The following JARID2 variants were observed in gnomAD, a reference collection of about 807,000 sequenced individuals.
The protein encoded by JARID2 is protein Jumonji.
JARID2 carries 21 observed loss-of-function variants against 125.6 expected under a neutral mutation model. The ratio of observed to expected loss-of-function variants is 0.17; its 90% CI spans 0.12 to 0.24. JARID2 has a LOEUF of 0.24. JARID2 is among the 10% of genes least tolerant of loss of function. The pLI is 1.00. For synonymous variants in JARID2, 736 were observed against 661.6 expected (o/e 1.11, Z -1.73); for missense variants, 1,303 against 1,639.6 (o/e 0.79, Z 3.55).
Position 15,473,514 on chromosome 6 carries a change from G to GCC in JARID2, c.670+4811_670+4812dup, listed in dbSNP as rs3841758. ...GTCTCCCTTGTCTTCTGATGTGCGT[G>GCC]CCCCCCCCCCCCCCCCGCTTTGTGT... On this transcript the variant is annotated intron_variant, in intron 5 of 17. Coordinates refer to ENST00000341776, the MANE Select transcript of JARID2 (RefSeq NM_004973.4). 6.3e-4 allele frequency among the ~76,000 whole-genome samples: 22 copies of GCC among 35,060 alleles called. 3 individuals are homozygous for GCC. Among genetic ancestry groups the GCC allele is most frequent in the South Asian group, 2.3e-3 (2 of 854 alleles). 23.0% of individuals were successfully genotyped at this position (35,060 alleles called of 152,430 possible).
intron 3 of JARID2, among the ~76,000 whole-genome samples, chr6:15,416,584 A>C (rs1766227902): frequency 6.6e-6 from 1 of 152,140 alleles, no homozygotes; most frequent in South Asian, 2.1e-4. Flanking sequence ...GGCACTCGGC[A>C]GGCTGAGGCA....
intron 12 of JARID2, among the ~76,000 whole-genome samples, chr6:15,509,620 C>T (rs769952660): frequency 1.6e-4 from 25 of 152,226 alleles, no homozygotes; most frequent in Admixed American, 8.5e-4. Flanking sequence ...GGGGAGGGGA[C>T]AGCCAGGACT....
intron 2 of JARID2, chr6:15,401,153 G>T (rs942477882): frequency 1.2e-4 from 111 of 952,522 alleles, no homozygotes; most frequent in Non-Finnish European, 1.5e-4. Flanking sequence ...ATGGCAAGGT[G>T]CTATATATAT....
chr6:15,481,527 T>C (rs1041540348), intron 5 of JARID2, among the ~76,000 whole-genome samples: 1 of 152,184 alleles, frequency 6.6e-6, no homozygotes, highest in Non-Finnish European at 1.5e-5. Flanking sequence ...AGATAATTAC[T>C]TGGAGGAGTA....
chr6:15,330,988 A>G (rs1581420675), intron 1 of JARID2, among the ~76,000 whole-genome samples: 2 of 152,310 alleles, frequency 1.3e-5, no homozygotes, highest in Non-Finnish European at 1.5e-5. Flanking sequence ...AGGACATCTC[A>G]CTAGACTTCA....
intron 2 of JARID2, among the ~76,000 whole-genome samples, chr6:15,404,546 C>G (rs2127560311): frequency 6.6e-6 from 1 of 151,078 alleles, no homozygotes; most frequent in African/African-American, 2.4e-5. Context: ...CACACACACA[C>G]ACACACACAC....
intron 1 of JARID2, among the ~76,000 whole-genome samples, chr6:15,301,845 A>G (rs1217875043): frequency 6.6e-6 from 1 of 152,212 alleles, no homozygotes; most frequent in Non-Finnish European, 1.5e-5. Flanking sequence ...TATAGTGACT[A>G]AGACTGTAAT....
intron 12 of JARID2, among the ~76,000 whole-genome samples, chr6:15,511,080 T>TG (rs1771255638): frequency 6.6e-6 from 1 of 152,214 alleles, no homozygotes; most frequent in Non-Finnish European, 1.5e-5. Flanking sequence ...GGATGCACTG[T>TG]GGTTTGGCTG....
At chr6:15,416,236 C>G (rs1179132377) in intron 3 of JARID2, among the ~76,000 whole-genome samples, 3 of 151,068 alleles carry the variant, frequency 2.0e-5, no homozygotes, top group Admixed American at 1.3e-4. Context: ...TCCTCATGTC[C>G]CAGACGATGG....
intron 1 of JARID2, among the ~76,000 whole-genome samples, chr6:15,319,543 G>A (rs1036133273): frequency 2.6e-5 from 4 of 152,106 alleles, no homozygotes; most frequent in Non-Finnish European, 4.4e-5. Context: ...GAGCACAAGT[G>A]TGCGCAACTG....
Position 15,487,348 on chromosome 6 carries a change from G to C in JARID2, c.712G>C (p.Val238Leu), listed in dbSNP as rs963966392. 1 of 1,614,156 alleles carries C rather than the reference G, an allele frequency of 6.2e-7. No individual in the cohort carries two copies. Among genetic ancestry groups the C allele is most frequent in the Non-Finnish European group, 8.5e-7 (1 of 1,180,026 alleles). Residue 238 changes from valine (V) to leucine (L), a missense_variant, in exon 6 of 18, where the codon GTT (valine) becomes CTT (leucine). This residue lies in a region of JARID2 where 651 missense variants were observed against 581.6 expected (regional missense o/e 1.12). Transcript: ENST00000341776. ...SSRSTREKEP[V>L]QKHKSKEATP... ...CAGGTCAACACGGGAGAAGGAACCT[G>C]TTCAAAAACACAAAAGCAAAGAGGC... is the stretch of plus-strand genomic sequence containing the variant.
At chr6:15,512,654 G>C (rs1771335702) in intron 14 of JARID2, among the ~76,000 whole-genome samples, 2 of 152,164 alleles carry the variant, frequency 1.3e-5, no homozygotes, top group South Asian at 4.1e-4. Context: ...AGATGCTCAA[G>C]GTAATTGCTT....
intron 1 of JARID2, among the ~76,000 whole-genome samples, chr6:15,283,012 T>C (rs558684345): frequency 1.9e-4 from 29 of 152,014 alleles, no homozygotes; most frequent in African/African-American, 6.3e-4. Flanking sequence ...GGAGTCTCAC[T>C]CTGTTGCCCA....
chr6:15,421,897 C>G (rs753052903), intron 3 of JARID2, among the ~76,000 whole-genome samples: 1 of 152,194 alleles, frequency 6.6e-6, no homozygotes, highest in African/African-American at 2.4e-5. Flanking sequence ...TGAGGGGCAC[C>G]TCTTGCTGTC....
At chr6:15,247,615 A>G in intron 1 of JARID2, 1 of 985,166 alleles carries the variant, frequency 1.0e-6, no homozygotes, top group Non-Finnish European at 1.2e-6. Context: ...AGTTGGGTAG[A>G]CAAATTGGTG....
intron 2 of JARID2, among the ~76,000 whole-genome samples, chr6:15,387,172 T>C (rs1187327723): frequency 6.6e-6 from 1 of 152,208 alleles, no homozygotes; most frequent in Non-Finnish European, 1.5e-5. Context: ...GCGGTGTCTT[T>C]AGTTAGACTG....
In JARID2 at chr6:15,451,990, T is replaced by G; in HGVS notation, c.324-16T>G. The G allele has an allele frequency of 6.2e-7, 1 of 1,611,072 alleles. No individual in the cohort carries two copies. Among genetic ancestry groups the G allele is most frequent in the East Asian group, 2.2e-5 (1 of 44,846 alleles). ...TCTCTGCTTAATTTATTTTTAATTT[T>G]CTTTTGCTTTTGCAGGCCCAGGCTG... On this transcript the variant is annotated splice_polypyrimidine_tract_variant and intron_variant, in intron 3 of 17. Transcript: ENST00000341776.
chr6:15,312,978 C>T (rs758772841), intron 1 of JARID2, among the ~76,000 whole-genome samples: 1 of 152,172 alleles, frequency 6.6e-6, no homozygotes, highest in African/African-American at 2.4e-5. Context: ...CACTGGCGTT[C>T]AGCATCTTTC....
chr6:15,283,140 G>A (rs565428386), intron 1 of JARID2, among the ~76,000 whole-genome samples: 13 of 145,558 alleles, frequency 8.9e-5, no homozygotes, highest in African/African-American at 2.3e-4. Flanking sequence ...CACCACGCCC[G>A]GCTAATTTTT....
Sources: allele counts gnomAD v4.1 joint callset (sites outside exome capture counted in the v4.1 genomes callset), GRCh38; gene constraint gnomAD v4.1.1; regional missense constraint gnomAD v4.1.1; transcripts MANE v1.5; gene names NCBI Gene and HGNC (gene_info 2026-07-23, HGNC 2026-07-21).